Variants in MAPK4 observed in about 807,000 individuals in gnomAD.
MAPK4 encodes the protein Erk3-related.
In MAPK4, 22 loss-of-function variants were observed where a neutral mutation model predicts 47.7. That is an observed-to-expected ratio of 0.46 (90% CI 0.33 to 0.66). The LOEUF is 0.66. Among genes scored for constraint, MAPK4 ranks in the 30% least tolerant of loss-of-function variants. The pLI, the probability that MAPK4 is intolerant of heterozygous loss-of-function variation, is 0.02. For synonymous variants in MAPK4, 390 were observed against 365.7 expected (o/e 1.07, Z -0.76); for missense variants, 736 against 831.7 (o/e 0.88, Z 1.42).
intron 2 of MAPK4, among the ~76,000 whole-genome samples, chr18:50,702,691 T>C (rs1262967448): frequency 6.6e-6 from 1 of 152,222 alleles, no homozygotes; most frequent in Non-Finnish European, 1.5e-5. Context: ...TCCTTCTTCA[T>C]ACAGTGACTG....
intron 2 of MAPK4, chr18:50,704,954 T>C (rs570547505): frequency 2.5e-6 from 1 of 394,580 alleles, no homozygotes; most frequent in South Asian, 1.4e-4. Context: ...TTTCTTTCTT[T>C]TTGAGGGTGG....
chr18:50,575,792 C>CA (rs540138636), intron 1 of MAPK4, among the ~76,000 whole-genome samples: 1,292 of 69,892 alleles, frequency 0.018, 21 homozygotes, highest in East Asian at 0.038. Context: ...AATCAACAAG[C>CA]AAAAAAAAAA....
Position 50,648,931 on chromosome 18 carries a change from C to T in MAPK4, c.-870-14158C>T, listed in dbSNP as rs141905694. ...AGAGAGAACCTTAGGTCCTTGGAGC[C>T]TGGATGAGGGTAGACTTGAAGCTGG... On this transcript the variant is annotated intron_variant, in intron 1 of 5. Coordinates refer to ENST00000400384, the MANE Select transcript of MAPK4 (RefSeq NM_002747.4). Among the ~76,000 whole-genome samples the T allele has an allele frequency of 2.2e-4, 34 of 152,316 alleles. No homozygotes were observed. In the South Asian group the frequency reaches 6.4e-3, roughly 29 times the overall value.
intron 1 of MAPK4, among the ~76,000 whole-genome samples, chr18:50,650,924 G>C (rs2144208528): frequency 6.6e-6 from 1 of 152,344 alleles, no homozygotes. Flanking sequence ...TTCCTCACCT[G>C]ACGTAGGATG....
intron 1 of MAPK4, among the ~76,000 whole-genome samples, chr18:50,616,902 A>G (rs1467955109): frequency 1.3e-5 from 2 of 152,204 alleles, no homozygotes; most frequent in Non-Finnish European, 2.9e-5. Flanking sequence ...ACACCCTCAT[A>G]GACATACCCA....
intron 1 of MAPK4, among the ~76,000 whole-genome samples, chr18:50,623,034 A>G (rs2042746189): frequency 6.6e-6 from 1 of 152,258 alleles, no homozygotes; most frequent in Non-Finnish European, 1.5e-5. Context: ...ACTGTTAGTT[A>G]ATTCAGGAGA....
chr18:50,601,652 A>G (rs571912388), intron 1 of MAPK4, among the ~76,000 whole-genome samples: 9 of 152,256 alleles, frequency 5.9e-5, no homozygotes, highest in African/African-American at 2.2e-4. Context: ...CAGTACTGCA[A>G]GCTTCACCTG....
At chr18:50,644,734 G>T (rs1174114097) in intron 1 of MAPK4, among the ~76,000 whole-genome samples, 1 of 152,132 alleles carries the variant, frequency 6.6e-6, no homozygotes, top group East Asian at 1.9e-4. Flanking sequence ...GTAGAAAATG[G>T]CTGAGCTCAA....
At chr18:50,625,882 GCACACA>G (rs58870306) in intron 1 of MAPK4, among the ~76,000 whole-genome samples, 7,055 of 145,290 alleles carry the variant, frequency 0.049, 188 homozygotes, top group Non-Finnish European at 0.059. Context: ...GTGTGTGTAT[GCACACA>G]CACACACACA....
At chr18:50,591,807 A>C (rs1341250049) in intron 1 of MAPK4, among the ~76,000 whole-genome samples, 1 of 152,024 alleles carries the variant, frequency 6.6e-6, no homozygotes, top group Non-Finnish European at 1.5e-5. Context: ...TACTTCTGCT[A>C]TCTGGTCTGC....
chr18:50,563,140 G>A lies in MAPK4; in HGVS notation c.-871+2897G>A, dbSNP rs28695646. On this transcript the variant is annotated intron_variant, in intron 1 of 5. Transcript: ENST00000400384. ...TGAAATCTTTTCTGTAAGTAAGCCC[G>A]TTATGAAAGATACATAGAAAATATG... Among the ~76,000 whole-genome samples, 463 of 152,166 alleles carry A rather than the reference G, an allele frequency of 3.0e-3. 5 individuals carry two copies. The highest frequency in any genetic ancestry group is 9.5e-3 in the African/African-American group (396 of 41,496).
At chr18:50,679,052 A>G (rs985229147) in intron 2 of MAPK4, among the ~76,000 whole-genome samples, 4 of 152,204 alleles carry the variant, frequency 2.6e-5, no homozygotes, top group African/African-American at 9.6e-5. Context: ...CTTGGGGTCA[A>G]ATTTTCCCCA....
chr18:50,612,461 G>A (rs901212640), intron 1 of MAPK4, among the ~76,000 whole-genome samples: 3 of 152,184 alleles, frequency 2.0e-5, no homozygotes, highest in African/African-American at 7.2e-5. Flanking sequence ...AGTATAGCGG[G>A]AGAGAAAGAT....
At chr18:50,614,701 T>C (rs1182894442) in intron 1 of MAPK4, among the ~76,000 whole-genome samples, 2 of 152,232 alleles carry the variant, frequency 1.3e-5, no homozygotes, top group Non-Finnish European at 2.9e-5. Flanking sequence ...CCTATCTAGA[T>C]GTGTATATAT....
intron 2 of MAPK4, among the ~76,000 whole-genome samples, chr18:50,711,575 T>A (rs1910365829): frequency 6.6e-6 from 1 of 152,220 alleles, no homozygotes; most frequent in Non-Finnish European, 1.5e-5. Flanking sequence ...CACCCACTTG[T>A]GCGCCAAGTG....
intron 1 of MAPK4, among the ~76,000 whole-genome samples, chr18:50,568,196 A>C (rs761637340): frequency 3.1e-3 from 437 of 140,242 alleles, no homozygotes; most frequent in African/African-American, 9.8e-3. Context: ...ACGCTGTCCC[A>C]AAAAAAAAAA....
At chr18:50,702,377 G>C (rs981021511) in intron 2 of MAPK4, among the ~76,000 whole-genome samples, 2 of 152,090 alleles carry the variant, frequency 1.3e-5, no homozygotes, top group Admixed American at 1.3e-4. Context: ...AACATAGCAA[G>C]ACCCTGTCTC....
intron 3 of MAPK4, 40 bp from the exon 4 acceptor site, chr18:50,721,898 C>A: frequency 6.2e-7 from 1 of 1,611,414 alleles, no homozygotes; most frequent in Non-Finnish European, 8.5e-7. Flanking sequence ...ACCACAGCCC[C>A]TTGGACAGCA....
intron 1 of MAPK4, among the ~76,000 whole-genome samples, chr18:50,623,281 G>T (rs2042748017): frequency 6.6e-6 from 1 of 152,164 alleles, no homozygotes; most frequent in Non-Finnish European, 1.5e-5. Flanking sequence ...CTCAGCTCTT[G>T]ATGCATCAAG....
Sources: gnomAD v4.1 joint callset for allele counts (sites outside exome capture counted in the v4.1 genomes callset) on GRCh38, gnomAD v4.1.1 for gene constraint, MANE v1.5 for transcripts, NCBI Gene and HGNC (gene_info 2026-07-23, HGNC 2026-07-21) for gene names.